Variants in SLC34A2 observed in about 807,000 individuals in gnomAD.
SLC34A2 encodes sodium-dependent phosphate transport protein 2B.
Under a neutral mutation model 50.8 loss-of-function variants are expected in SLC34A2, and 41 were observed. The ratio of observed to expected loss-of-function variants is 0.81; its 90% CI spans 0.63 to 1.05. The LOEUF is 1.05. Among genes scored for constraint, SLC34A2 ranks in the 50% least tolerant of loss-of-function variants. SLC34A2 has a pLI of 0.00. For missense variants in SLC34A2, 879 were observed against 876.7 expected (o/e 1.00, Z -0.03); for synonymous variants, 401 against 364.2 (o/e 1.10, Z -1.15).
intron 10 of SLC34A2, 87 bp from the exon 11 acceptor site, chr4:25,674,209 C>G (rs1714977678): frequency 1.1e-6 from 1 of 894,976 alleles, no homozygotes; most frequent in Non-Finnish European, 1.9e-6. Context: ...GATGTACAAC[C>G]TCACCCCTAA....
In SLC34A2 at chr4:25,676,518, C is replaced by T. The variant is rs149174663; in HGVS notation, c.1842C>T (p.Phe614=). ...DAVVSKFTGC[F]QMRCCCCCRV... is the part of the protein sequence containing the mutation. ...TCGTCTCCAAGTTCACCGGCTGCTT[C>T]CAGATGCGCTGCTGCTGCTGCTGCC... Residue 614 remains phenylalanine, a synonymous_variant, in exon 13 of 13, where the codon TTC becomes TTT. Coordinates refer to ENST00000382051, the MANE Select transcript of SLC34A2 (RefSeq NM_006424.3). The T allele has an allele frequency of 1.2e-6, 2 of 1,613,936 alleles. No homozygotes were observed. The highest frequency in any genetic ancestry group is 2.7e-5 in the African/African-American group (2 of 74,938).
intron 8 of SLC34A2, among the ~76,000 whole-genome samples, chr4:25,671,250 AT>A (rs1714799634): frequency 6.6e-6 from 1 of 152,138 alleles, no homozygotes; most frequent in African/African-American, 2.4e-5. Flanking sequence ...GGCCCAGAGC[AT>A]TCATGCCCTC....
intron 1 of SLC34A2, among the ~76,000 whole-genome samples, chr4:25,660,997 G>A (rs544934720): frequency 2.0e-4 from 30 of 152,350 alleles, no homozygotes; most frequent in Non-Finnish European, 3.4e-4. Flanking sequence ...TGTGAGGTGT[G>A]TCAAGTACCA....
intron 1 of SLC34A2, among the ~76,000 whole-genome samples, chr4:25,656,103 C>G (rs1713865866): frequency 6.6e-6 from 1 of 152,342 alleles, no homozygotes; most frequent in South Asian, 2.1e-4. Context: ...CTGCTACACT[C>G]TTACGATCGA....
In SLC34A2 at chr4:25,674,367, G is replaced by T. The variant is rs201539404; in HGVS notation, c.1288G>T (p.Val430Leu). The part of the protein sequence containing the change: ...ILVGAGMTFI[V>L]QSSSVFTSAL... ...CGTCGGGGCAGGCATGACCTTCATC[G>T]TACAGAGCAGCTCTGTGTTCACGTC... Residue 430 changes from valine to leucine, a missense_variant, in exon 11 of 13, where the codon GTA becomes TTA. Physicochemically the swap from Val to Leu is conservative, Grantham distance 32. Coordinates refer to ENST00000382051, the MANE Select transcript of SLC34A2 (RefSeq NM_006424.3). The T allele has an allele frequency of 3.1e-6, 5 of 1,614,166 alleles. No individual in the cohort carries two copies. The highest frequency in any genetic ancestry group is 4.2e-6 in the Non-Finnish European group (5 of 1,180,030).
chr4:25,660,628 C>A (rs552889189), intron 1 of SLC34A2, among the ~76,000 whole-genome samples: 1 of 152,320 alleles, frequency 6.6e-6, no homozygotes, highest in Non-Finnish European at 1.5e-5. Context: ...TCACTGCAAC[C>A]TCCACCTCCC....
At chr4:25,672,958 G>A in intron 9 of SLC34A2, 129 bp from the exon 10 acceptor site, 1 of 962,644 alleles carries the variant, frequency 1.0e-6, no homozygotes, top group Non-Finnish European at 1.7e-6. Context: ...TCTTGATTTG[G>A]GGCTGCCATC....
At chr4:25,667,249 C>A (rs531138520) in intron 5 of SLC34A2, 1 of 153,714 alleles carries the variant, frequency 6.5e-6, no homozygotes. Context: ...TAGTGGCTCA[C>A]GCCTATAATC....
At position 25,665,475 on chromosome 4, in the gene SLC34A2, C is replaced by CCA. The variant is rs1448752761; in HGVS notation, c.380-653_380-652insCA. On this transcript the variant is annotated intron_variant, in intron 4 of 12. Coordinates refer to ENST00000382051, the MANE Select transcript of SLC34A2 (RefSeq NM_006424.3). ...GAGCCACCGTGCCTGGCCTCCTGAA[C>CCA]ATTGCTTCTGGGCTCCCTGGTCCAT... is the stretch of plus-strand genomic sequence containing the variant. 3.0e-4 allele frequency among the ~76,000 whole-genome samples: 46 copies of CCA among 152,150 alleles called. 2 individuals carry two copies. The highest frequency in any genetic ancestry group is 1.0e-3 in the African/African-American group (43 of 41,538).
intron 1 of SLC34A2, among the ~76,000 whole-genome samples, chr4:25,661,114 C>T (rs1484845153): frequency 6.6e-6 from 1 of 152,202 alleles, no homozygotes; most frequent in Non-Finnish European, 1.5e-5. Context: ...GACAGCATGA[C>T]ATAGTAATAA....
rs1230324857 is a variant in SLC34A2, at chr4:25,660,650, A to AT, written c.-3-1846dup. 9.9e-5 allele frequency among the ~76,000 whole-genome samples: 15 copies of AT among 152,234 alleles called. No individual in the cohort carries two copies. In the South Asian group the frequency reaches 3.1e-3, roughly 32 times the overall value. On this transcript the variant is annotated intron_variant, in intron 1 of 12. Transcript: ENST00000382051. ...AACCTCCACCTCCCAGATTCAAGTG[A>AT]TTCTCCTGCCTCAGCCTCCCGAGTA...
At chr4:25,665,406 T>A (rs567532046) in intron 4 of SLC34A2, among the ~76,000 whole-genome samples, 14 of 151,924 alleles carry the variant, frequency 9.2e-5, no homozygotes, top group African/African-American at 3.4e-4. Context: ...ACCTCAGTTG[T>A]TCCGCCCGTC....
chr4:25,663,747 CCTCCATAA>C (rs1307731185), intron 3 of SLC34A2, among the ~76,000 whole-genome samples: 1 of 152,144 alleles, frequency 6.6e-6, no homozygotes, highest in Non-Finnish European at 1.5e-5. Context: ...TGCCCCAAGC[CCTCCATAA>C]ATTGAGGCTG....
chr4:25,677,338 G>C lies in SLC34A2; in HGVS notation c.*589G>C, dbSNP rs1715197131. ...TAGTGCTCCCCACATTCCCCATCAG[G>C]GCTTCCTCACGTGGACAGGTGTGCT... On this transcript the variant is annotated 3_prime_UTR_variant, in exon 13 of 13. Transcript: ENST00000382051. The C allele has an allele frequency of 6.4e-6, 1 of 155,738 alleles. No homozygotes were observed. The highest frequency in any genetic ancestry group is 1.4e-5 in the Non-Finnish European group (1 of 70,148). 9.6% of individuals were successfully genotyped at this position (155,738 alleles called of 1,614,324 possible).
intron 6 of SLC34A2, 63 bp from the exon 7 acceptor site, chr4:25,669,584 C>G: frequency 1.4e-6 from 2 of 1,456,234 alleles, no homozygotes; most frequent in Non-Finnish European, 1.9e-6. Context: ...AGGTAATGAC[C>G]CACCTCACAT....
chr4:25,673,847 A>G (rs1230532788), intron 10 of SLC34A2, among the ~76,000 whole-genome samples: 1 of 152,174 alleles, frequency 6.6e-6, no homozygotes, highest in Non-Finnish European at 1.5e-5. Context: ...TGGGAAATGC[A>G]GGGCCTGATC....
At chr4:25,662,193 A>G (rs1427131190) in intron 1 of SLC34A2, among the ~76,000 whole-genome samples, 4 of 152,220 alleles carry the variant, frequency 2.6e-5, no homozygotes, top group African/African-American at 9.6e-5. Context: ...TGACTGAAGG[A>G]GAGAGTCAAG....
At chr4:25,665,986 T>C (rs1714475030) in intron 4 of SLC34A2, 142 bp from the exon 5 acceptor site, 1 of 981,034 alleles carries the variant, frequency 1.0e-6, no homozygotes, top group Admixed American at 1.8e-5. Context: ...GCAAGATTCC[T>C]TGGGTGCCTG....
intron 8 of SLC34A2, among the ~76,000 whole-genome samples, chr4:25,671,296 G>A (rs1469797289): frequency 6.6e-6 from 1 of 152,160 alleles, no homozygotes; most frequent in Non-Finnish European, 1.5e-5. Flanking sequence ...TTGCACCTGG[G>A]TTGTGGCTTG....
Sources: allele counts gnomAD v4.1 joint callset (sites outside exome capture counted in the v4.1 genomes callset), GRCh38; gene constraint gnomAD v4.1.1; transcripts MANE v1.5; gene names NCBI Gene and HGNC (gene_info 2026-07-23, HGNC 2026-07-21).